ZNF385D: variants seen among roughly 807,000 people sequenced by gnomAD.
The protein encoded by ZNF385D is zinc finger protein 385D, also known as zinc finger protein 659.
In ZNF385D, 15 loss-of-function variants were observed where a neutral mutation model predicts 35.8. The ratio of observed to expected loss-of-function variants is 0.42; its 90% CI spans 0.28 to 0.64. The LOEUF (loss-of-function observed/expected upper bound fraction) is 0.64, where lower values mean the gene tolerates loss of function less well. Ranked by LOEUF, ZNF385D falls within the 30% of genes least tolerant of loss-of-function variation. The probability of loss-of-function intolerance (pLI) is 0.23; values close to 1 mark genes in which losing one functional copy is unlikely to be tolerated. For synonymous variants in ZNF385D, 212 were observed against 186.8 expected, an observed-to-expected ratio of 1.13 and a Z score of -1.10; for missense variants, 474 against 494.6, an observed-to-expected ratio of 0.96 and a Z score of 0.39.
At chr3:21,741,891 T>C (rs17029425) in intron 1 of ZNF385D, among the ~76,000 whole-genome samples, 5,595 of 152,226 alleles carry the variant, frequency 0.037, 150 homozygotes, top group East Asian at 0.1. Flanking sequence ...CCCATTGGTA[T>C]AGAAAAATGA....
intron 2 of ZNF385D, among the ~76,000 whole-genome samples, chr3:21,576,487 C>T (rs1270818486): frequency 6.6e-6 from 1 of 152,154 alleles, no homozygotes; most frequent in Non-Finnish European, 1.5e-5. Context: ...TTACATTTAA[C>T]CAATATATTG....
At chr3:21,528,104 T>G (rs1393871604) in intron 3 of ZNF385D, among the ~76,000 whole-genome samples, 1 of 152,168 alleles carries the variant, frequency 6.6e-6, no homozygotes, top group Non-Finnish European at 1.5e-5. Context: ...GTCTCCAAAG[T>G]TCATTGCACC....
chr3:22,161,575 C>G (rs1411452483), intron 3 of ZNF385D, among the ~76,000 whole-genome samples: 1 of 152,068 alleles, frequency 6.6e-6, no homozygotes, highest in Non-Finnish European at 1.5e-5. Flanking sequence ...CACATTTAGT[C>G]AACTTCTAAT....
chr3:21,622,329 T>C (rs1463119630), intron 2 of ZNF385D, among the ~76,000 whole-genome samples: 1 of 152,276 alleles, frequency 6.6e-6, no homozygotes, highest in East Asian at 1.9e-4. Flanking sequence ...CAGAGGTCAT[T>C]TGCTTATAAA....
At chr3:21,508,400 T>A (rs1412293896) in intron 4 of ZNF385D, among the ~76,000 whole-genome samples, 2 of 152,156 alleles carry the variant, frequency 1.3e-5, no homozygotes, top group South Asian at 4.1e-4. Flanking sequence ...TAAGCACTGG[T>A]GTCTGAGTCA....
At chr3:21,767,417 T>C (rs1352001617) in intron 3 of ZNF385D, among the ~76,000 whole-genome samples, 2 of 152,130 alleles carry the variant, frequency 1.3e-5, no homozygotes, top group Non-Finnish European at 2.9e-5. Flanking sequence ...TTCTATAGCA[T>C]TTCATTTTGT....
intron 2 of ZNF385D, among the ~76,000 whole-genome samples, chr3:22,206,194 T>A (rs139649638): frequency 1.3e-5 from 2 of 152,112 alleles, no homozygotes; most frequent in East Asian, 3.9e-4. Context: ...GAGGTCATTA[T>A]ACAATGATAA....
At chr3:22,217,693 T>C (rs1030805332) in intron 2 of ZNF385D, among the ~76,000 whole-genome samples, 2 of 152,212 alleles carry the variant, frequency 1.3e-5, no homozygotes, top group Middle Eastern at 3.4e-3. Context: ...ATGGCAAATA[T>C]AGAGAGCATA....
intron 2 of ZNF385D, among the ~76,000 whole-genome samples, chr3:21,567,935 G>GTCTT (rs2063206409): frequency 6.6e-6 from 1 of 152,014 alleles, no homozygotes; most frequent in African/African-American, 2.4e-5. Flanking sequence ...ATGTAATATA[G>GTCTT]TCTTTAGATT....
At chr3:22,011,403 A>G (rs1696566996) in intron 3 of ZNF385D, among the ~76,000 whole-genome samples, 1 of 152,102 alleles carries the variant, frequency 6.6e-6, no homozygotes, top group Non-Finnish European at 1.5e-5. Context: ...CCAAGAGTGA[A>G]CCCAATACTG....
intron 2 of ZNF385D, among the ~76,000 whole-genome samples, chr3:22,218,281 T>G (rs980554838): frequency 4.6e-5 from 7 of 152,122 alleles, no homozygotes; most frequent in Non-Finnish European, 8.8e-5. Flanking sequence ...CTTATTCACC[T>G]TTGACTAATT....
chr3:21,995,522 G>A (rs1241805372), intron 3 of ZNF385D, among the ~76,000 whole-genome samples: 1 of 152,110 alleles, frequency 6.6e-6, no homozygotes, highest in Admixed American at 6.5e-5. Flanking sequence ...AGTGAGTGAG[G>A]TGGATCAATC....
At chr3:21,449,469 T>C (rs1702339006) in intron 4 of ZNF385D, among the ~76,000 whole-genome samples, 1 of 152,208 alleles carries the variant, frequency 6.6e-6, no homozygotes, top group African/African-American at 2.4e-5. Flanking sequence ...GTTTAAAATA[T>C]AATTCATAAT....
intron 3 of ZNF385D, among the ~76,000 whole-genome samples, chr3:22,084,149 C>G (rs1213666513): frequency 6.6e-6 from 1 of 152,168 alleles, no homozygotes; most frequent in South Asian, 2.1e-4. Context: ...TAACGACCAT[C>G]GTTGCTAGGA....
At chr3:22,185,968 TACTCA>T (rs888772846) in intron 2 of ZNF385D, among the ~76,000 whole-genome samples, 2 of 150,938 alleles carry the variant, frequency 1.3e-5, no homozygotes, top group Non-Finnish European at 3.0e-5. Flanking sequence ...GGTAGATCTC[TACTCA>T]ACTCATGTTG....
chr3:22,262,038 T>C (rs896357310), intron 2 of ZNF385D, among the ~76,000 whole-genome samples: 1 of 152,038 alleles, frequency 6.6e-6, no homozygotes, highest in Non-Finnish European at 1.5e-5. Context: ...ACTTGCAGCA[T>C]ATTATCATAT....
At chr3:22,254,040 A>C (rs1700190398) in intron 2 of ZNF385D, among the ~76,000 whole-genome samples, 1 of 151,944 alleles carries the variant, frequency 6.6e-6, no homozygotes, top group Admixed American at 6.6e-5. Context: ...CTTGTATGTT[A>C]AAGAAAACAC....
intron 3 of ZNF385D, among the ~76,000 whole-genome samples, chr3:22,030,284 T>TATATATCCTATACAAATAACAAATAGG (rs1697889403): frequency 1.0e-5 from 1 of 98,564 alleles, no homozygotes; most frequent in African/African-American, 4.1e-5. Flanking sequence ...TATATATATA[T>TATATATCCTATACAAATAACAAATAGG]ATATATATAT....
At chr3:21,935,642 GT>G (rs1701222095) in intron 3 of ZNF385D, among the ~76,000 whole-genome samples, 1 of 152,048 alleles carries the variant, frequency 6.6e-6, no homozygotes, top group Admixed American at 6.6e-5. Context: ...TTGCTTGTCT[GT>G]TTAGAAGTGA....
Sources: allele counts gnomAD v4.1 joint callset (sites outside exome capture counted in the v4.1 genomes callset), GRCh38; gene constraint gnomAD v4.1.1; transcripts MANE v1.5; gene names NCBI Gene and HGNC (gene_info 2026-07-23, HGNC 2026-07-21).